KIF24: variants seen among roughly 807,000 people sequenced by gnomAD.
The protein encoded by KIF24 is kinesin-like protein KIF24.
A neutral mutation model predicts 118.9 loss-of-function variants in KIF24; 81 were observed. That is an observed-to-expected ratio of 0.68 (90% CI 0.57 to 0.82). KIF24 has a LOEUF of 0.82. Ranked by LOEUF, KIF24 falls within the 40% of genes least tolerant of loss-of-function variation. The probability of loss-of-function intolerance (pLI) is 0.00; values close to 1 mark genes in which losing one functional copy is unlikely to be tolerated. For synonymous variants in KIF24, 599 were observed against 610.0 expected (o/e 0.98, Z 0.27); for missense variants, 1,560 against 1,661.6 (o/e 0.94, Z 1.06).
At chr9:34,288,188 A>G (rs570802667) in intron 5 of KIF24, among the ~76,000 whole-genome samples, 1 of 152,130 alleles carries the variant, frequency 6.6e-6, no homozygotes, top group Non-Finnish European at 1.5e-5. Flanking sequence ...TAGAAAATAA[A>G]TCTTATTTAA....
At chr9:34,330,798 A>G (rs1006237790), upstream of KIF24, among the ~76,000 whole-genome samples, 2 of 151,870 alleles carry the variant, frequency 1.3e-5, no homozygotes, top group Non-Finnish European at 2.9e-5. Context: ...CGTCTCTACT[A>G]AAAACACAAA....
Position 34,256,434 on chromosome 9 carries a change from T to C in KIF24, c.3173A>G (p.Glu1058Gly). Reference sequence around the variant, plus strand: ...AGGAGACCCTTCGTTGTCTGGGTTCTCCAGGAGGGACATGGTGAGGGGAGA... The same window carrying C: ...AGGAGACCCTTCGTTGTCTGGGTTCCCCAGGAGGGACATGGTGAGGGGAGA... The part of the protein sequence containing the change: ...LMSPLTMSLL[E>G]NPDNEGSPPS... Residue 1058 changes from glutamate (E) to glycine (G), a missense_variant, in exon 11 of 13, where the codon GAG (glutamate) becomes GGG (glycine). By Grantham distance (98) the Glu-to-Gly change is moderately conservative. Around this residue, in one of 3 missense-constraint regions of KIF24, gnomAD observed 591 missense variants for 655.6 expected, o/e 0.90. Coordinates refer to ENST00000402558, the MANE Select transcript of KIF24 (RefSeq NM_194313.4). 2 of 1,613,898 alleles carry C rather than the reference T, an allele frequency of 1.2e-6. No homozygotes were observed. The highest frequency in any genetic ancestry group is 1.7e-6 in the Non-Finnish European group (2 of 1,179,868).
At chr9:34,324,455 A>G (rs1343913444) in intron 1 of KIF24, among the ~76,000 whole-genome samples, 4 of 151,872 alleles carry the variant, frequency 2.6e-5, no homozygotes, top group Admixed American at 2.6e-4. Flanking sequence ...TACTTGCCAA[A>G]TTTCTCCTCT....
chr9:34,267,065 T>C (rs1835324403), intron 8 of KIF24, among the ~76,000 whole-genome samples: 1 of 152,156 alleles, frequency 6.6e-6, no homozygotes, highest in Non-Finnish European at 1.5e-5. Flanking sequence ...CTACAAACTG[T>C]ATGTCAGGAA....
chr9:34,311,767 CAT>C (rs950137028), intron 1 of KIF24, among the ~76,000 whole-genome samples: 6 of 145,500 alleles, frequency 4.1e-5, no homozygotes, highest in African/African-American at 7.6e-5. Context: ...TGTATATATA[CAT>C]ATATATACAC....
chr9:34,313,738 G>GTTTTTTTTTTTTTTTTTTTTT (rs5897567), intron 1 of KIF24, among the ~76,000 whole-genome samples: 5 of 130,360 alleles, frequency 3.8e-5, no homozygotes, highest in Non-Finnish European at 8.2e-5. Flanking sequence ...CCCGTTATCT[G>GTTTTTTTTTTTTTTTTTTTTT]TTTTTTTTTT....
At chr9:34,319,728 G>A (rs1837453921) in intron 1 of KIF24, 5 of 661,392 alleles carry the variant, frequency 7.6e-6, no homozygotes, top group Admixed American at 2.1e-5. Context: ...ACTGGGATTC[G>A]GGGGAGGTGA....
At chr9:34,288,890 A>G (rs1836150981) in intron 5 of KIF24, among the ~76,000 whole-genome samples, 1 of 137,504 alleles carries the variant, frequency 7.3e-6, no homozygotes, top group African/African-American at 2.6e-5. Flanking sequence ...ACACACACAC[A>G]CACAGCACAG....
intron 8 of KIF24, among the ~76,000 whole-genome samples, chr9:34,264,304 C>T (rs2131684866): frequency 6.6e-6 from 1 of 151,860 alleles, no homozygotes; most frequent in East Asian, 1.9e-4. Context: ...GTGGCACATG[C>T]CTGTAATCCC....
At position 34,256,099 on chromosome 9, in the gene KIF24, C is replaced by T; in HGVS notation, c.3508G>A (p.Glu1170Lys). 1 of 1,613,394 alleles carries T rather than the reference C, an allele frequency of 6.2e-7. No homozygotes were observed. Among genetic ancestry groups the T allele is most frequent in the Non-Finnish European group, 8.5e-7 (1 of 1,179,378 alleles). The change falls in exon 11 of 13, where the codon GAG becomes AAG. Residue 1170 changes from glutamate to lysine, a missense_variant. Physicochemically the swap from Glu to Lys is moderately conservative, Grantham distance 56 (BLOSUM62 1). This residue lies in a region of KIF24 where 591 missense variants were observed against 655.6 expected (regional missense o/e 0.90). Coordinates refer to ENST00000402558, the MANE Select transcript of KIF24 (RefSeq NM_194313.4). The part of the protein sequence containing the change: ...VLFSHEHMGS[E>K]QYDADAEETG... ...TCCTCTGCATCAGCATCATACTGCT[C>T]ACTACCCATGTGTTCGTGGGAGAAA...
chr9:34,257,945 A>G lies in KIF24; in HGVS notation c.1662T>C (p.Thr554=). Residue 554 remains threonine (T), a synonymous_variant, in exon 11 of 13, where the codon ACT becomes ACC. Transcript: ENST00000402558. ...KELKKGIKCC[T]SVTSRNRTSG... ...ATGTCCGATTTCGACTGGTAACTGA[A>G]GTGCAACACTTAATGCCTTTCTTTA... The G allele has an allele frequency of 6.2e-7, 1 of 1,612,966 alleles. No individual in the cohort carries two copies.
intron 1 of KIF24, among the ~76,000 whole-genome samples, chr9:34,324,188 T>C (rs1362886137): frequency 1.3e-5 from 2 of 152,168 alleles, no homozygotes; most frequent in Non-Finnish European, 2.9e-5. Flanking sequence ...ACAGACAATC[T>C]CATGGCTATG....
rs10537521 is a variant in KIF24 at position 34,288,848 on chromosome 9, CCACACACACACACACA to C, written c.1127+1310_1127+1325del. The stretch of plus-strand genomic sequence containing the variant: ...CCTAACCTCCCTTCACCCAAATAAA[CCACACACACACACACA>C]CACACACACACACACACACACACAC... On this transcript the variant is annotated intron_variant, in intron 5 of 12. Coordinates refer to ENST00000402558, the MANE Select transcript of KIF24 (RefSeq NM_194313.4). Among the ~76,000 whole-genome samples the C allele has an allele frequency of 5.1e-3, 706 of 138,974 alleles. 2 individuals are homozygous for C. Among genetic ancestry groups the C allele is most frequent in the South Asian group, 0.016 (64 of 4,090 alleles). 91.2% of individuals were successfully genotyped at this position (138,974 alleles called of 152,430 possible).
chr9:34,281,174 C>G (rs1438090214), intron 6 of KIF24, among the ~76,000 whole-genome samples: 1 of 152,068 alleles, frequency 6.6e-6, no homozygotes, highest in Non-Finnish European at 1.5e-5. Flanking sequence ...TACAAGCGCC[C>G]ACCACCATAC....
At chr9:34,304,116 T>C (rs1205906621) in intron 3 of KIF24, among the ~76,000 whole-genome samples, 1 of 152,178 alleles carries the variant, frequency 6.6e-6, no homozygotes, top group Non-Finnish European at 1.5e-5. Flanking sequence ...AGATAGGACA[T>C]TTAATAAAAC....
intron 1 of KIF24, among the ~76,000 whole-genome samples, chr9:34,313,741 T>C (rs1587969181): frequency 7.1e-6 from 1 of 140,584 alleles, no homozygotes; most frequent in African/African-American, 3.1e-5. Context: ...GTTATCTGTT[T>C]TTTTTTTTTT....
intron 3 of KIF24, among the ~76,000 whole-genome samples, chr9:34,302,711 C>T (rs1016560876): frequency 6.6e-6 from 1 of 151,948 alleles, no homozygotes; most frequent in Non-Finnish European, 1.5e-5. Flanking sequence ...AAGTGATCTG[C>T]CCCCCTCATC....
At chr9:34,261,583 A>G (rs925756147) in intron 9 of KIF24, among the ~76,000 whole-genome samples, 2 of 152,230 alleles carry the variant, frequency 1.3e-5, no homozygotes, top group Non-Finnish European at 2.9e-5. Context: ...ATGATCTTTT[A>G]ACATGAAAAG....
At chr9:34,331,660 A>G (rs1033399847), upstream of KIF24, among the ~76,000 whole-genome samples, 35 of 152,240 alleles carry the variant, frequency 2.3e-4, no homozygotes, top group Non-Finnish European at 7.3e-5. Context: ...TTGGTAGAGA[A>G]GGGAGGAGAA....
Sources: gnomAD v4.1 joint callset for allele counts (sites outside exome capture counted in the v4.1 genomes callset) on GRCh38, gnomAD v4.1.1 for gene constraint, gnomAD v4.1.1 regional missense constraint, MANE v1.5 for transcripts, NCBI Gene and HGNC (gene_info 2026-07-23, HGNC 2026-07-21) for gene names.